The following SELENOF variants were observed in gnomAD, a reference collection of about 807,000 sequenced individuals.
SELENOF encodes 15 kDa selenoprotein.
SELENOF carries 16 observed loss-of-function variants against 20.5 expected under a neutral mutation model. That is an observed-to-expected ratio of 0.78 (90% CI 0.53 to 1.19). The LOEUF is 1.19. SELENOF is among the 50% of genes most tolerant of loss of function. The pLI is 0.00. For synonymous variants in SELENOF, 78 were observed against 74.5 expected, an observed-to-expected ratio of 1.05 and a Z score of -0.24; for missense variants, 215 against 194.2, an observed-to-expected ratio of 1.11 and a Z score of -0.64.
chr1:86,868,070 T>C lies in SELENOF; in HGVS notation c.349A>G (p.Arg117Gly), dbSNP rs1051733320. The C allele has an allele frequency of 2.6e-6, 4 of 1,535,176 alleles. No individual in the cohort carries two copies. The highest frequency in any genetic ancestry group is 3.5e-6 in the Non-Finnish European group (4 of 1,130,850). ...FVRSDKPKLF[R>G]GLQIKYVRGS... ...CACCTTACCTTGATTTGCAGTCCTC[T>C]GAACAGTTTGGGTTTATCACTCCTA... Residue 117 changes from arginine (R) to glycine (G), a missense_variant, in exon 4 of 5, where the codon AGA becomes GGA. By Grantham distance (125) the Arg-to-Gly change is moderately radical. Transcript: ENST00000331835.
At chr1:86,864,409 T>G (rs1658539741) in intron 4 of SELENOF, among the ~76,000 whole-genome samples, 1 of 152,202 alleles carries the variant, frequency 6.6e-6, no homozygotes, top group Non-Finnish European at 1.5e-5. Flanking sequence ...TAACTAACAA[T>G]GTAGTTATGT....
intron 3 of SELENOF, among the ~76,000 whole-genome samples, chr1:86,877,577 A>T (rs1263986388): frequency 1.3e-5 from 2 of 152,204 alleles, no homozygotes; most frequent in Non-Finnish European, 2.9e-5. Context: ...GCCTGAAGGT[A>T]ATTTTATGCA....
At chr1:86,913,650 T>C (rs1660050667) in intron 1 of SELENOF, among the ~76,000 whole-genome samples, 1 of 152,172 alleles carries the variant, frequency 6.6e-6, no homozygotes, top group South Asian at 2.1e-4. Context: ...CTTGAAGACT[T>C]GCCTCTAAGA....
At chr1:86,913,135 T>C (rs1660031888) in intron 1 of SELENOF, among the ~76,000 whole-genome samples, 2 of 152,186 alleles carry the variant, frequency 1.3e-5, no homozygotes, top group South Asian at 4.1e-4. Flanking sequence ...GAAAGGTAAG[T>C]ACAGGTGTTC....
intron 3 of SELENOF, among the ~76,000 whole-genome samples, chr1:86,872,516 GC>G (rs946246998): frequency 3.1e-4 from 47 of 151,186 alleles, no homozygotes; most frequent in African/African-American, 1.1e-3. Flanking sequence ...TTACAGGCAT[GC>G]GCCACAACGC....
At position 86,903,592 on chromosome 1, in the gene SELENOF, T is replaced by G. The variant is rs187390158; in HGVS notation, c.85-144A>C. The G allele has an allele frequency of 1.9e-3, 1,197 of 635,240 alleles. 5 individuals carry two copies. The highest frequency in any genetic ancestry group is 6.3e-3 in the Middle Eastern group (14 of 2,212). 39.4% of individuals were successfully genotyped at this position (635,240 alleles called of 1,614,324 possible). A position where few individuals can be genotyped will look rare whatever the true frequency, so the allele number is the denominator to read the frequency against. On this transcript the variant is annotated intron_variant, in intron 1 of 4. Coordinates refer to ENST00000331835, the MANE Select transcript of SELENOF (RefSeq NM_004261.5). ...CATTTGGAGATAAATTCTTTTAAAT[T>G]TTAATTTAATTTTATTTTTTTTTGA...
intron 3 of SELENOF, among the ~76,000 whole-genome samples, chr1:86,877,736 C>T (rs1046545892): frequency 1.3e-5 from 2 of 152,138 alleles, no homozygotes; most frequent in Non-Finnish European, 2.9e-5. Flanking sequence ...CGGAGGCCCA[C>T]GGGCCAAATC....
chr1:86,874,730 G>C (rs58876029), intron 3 of SELENOF, among the ~76,000 whole-genome samples: 1 of 151,994 alleles, frequency 6.6e-6, no homozygotes, highest in Non-Finnish European at 1.5e-5. Flanking sequence ...TCACAAACAC[G>C]TGAAAATATA....
At chr1:86,901,418 T>C (rs1659703169) in intron 2 of SELENOF, among the ~76,000 whole-genome samples, 1 of 150,464 alleles carries the variant, frequency 6.6e-6, no homozygotes, top group Admixed American at 6.6e-5. Flanking sequence ...GTTTCACTAG[T>C]CTTACTAAAA....
In SELENOF at chr1:86,911,354, C is replaced by T. The variant is rs186783890; in HGVS notation, c.84+2674G>A. Reference sequence around the variant, plus strand: ...TAATGAAAACACCATGCTCAAAGGTCTGGTGAGGGAGAATACAGTATGTGA... The same window carrying T: ...TAATGAAAACACCATGCTCAAAGGTTTGGTGAGGGAGAATACAGTATGTGA... On this transcript the variant is annotated intron_variant, in intron 1 of 4. Coordinates refer to ENST00000331835, the MANE Select transcript of SELENOF (RefSeq NM_004261.5). Among the ~76,000 whole-genome samples the T allele has an allele frequency of 1.8e-3, 274 of 152,320 alleles. 1 individual carries two copies. The highest frequency in any genetic ancestry group is 0.012 in the South Asian group (56 of 4,826).
chr1:86,902,831 AAACT>A (rs10563057), intron 2 of SELENOF, among the ~76,000 whole-genome samples: 3,577 of 152,314 alleles, frequency 0.023, 70 homozygotes, highest in African/African-American at 0.049. Context: ...ATAGGTGTGT[AAACT>A]AACAGTCCAT....
intron 1 of SELENOF, among the ~76,000 whole-genome samples, chr1:86,910,759 A>C (rs1012744399): frequency 2.6e-5 from 4 of 151,690 alleles, no homozygotes; most frequent in African/African-American, 9.7e-5. Flanking sequence ...CTAGAGTTGC[A>C]CAGCTACCAC....
intron 2 of SELENOF, among the ~76,000 whole-genome samples, chr1:86,892,456 T>C (rs942957213): frequency 6.6e-6 from 1 of 152,238 alleles, no homozygotes; most frequent in Non-Finnish European, 1.5e-5. Flanking sequence ...GTGAAGCTAT[T>C]TTAAGCAACT....
chr1:86,900,454 G>C (rs1478340616), intron 2 of SELENOF, among the ~76,000 whole-genome samples: 1 of 152,236 alleles, frequency 6.6e-6, no homozygotes, highest in Non-Finnish European at 1.5e-5. Flanking sequence ...CAGGCGTGGC[G>C]GCACGCGCCT....
intron 3 of SELENOF, among the ~76,000 whole-genome samples, chr1:86,873,820 C>T (rs1310420756): frequency 6.7e-6 from 1 of 149,112 alleles, no homozygotes; most frequent in Admixed American, 6.7e-5. Flanking sequence ...CTGTCGCACT[C>T]CAGCCTGAAC....
At chr1:86,891,884 A>C (rs1047221827) in intron 2 of SELENOF, among the ~76,000 whole-genome samples, 9 of 152,100 alleles carry the variant, frequency 5.9e-5, no homozygotes, top group African/African-American at 2.2e-4. Flanking sequence ...ATAACAACTT[A>C]ATGAATGTTA....
intron 3 of SELENOF, among the ~76,000 whole-genome samples, chr1:86,872,896 G>C (rs1475116555): frequency 6.6e-6 from 1 of 152,002 alleles, no homozygotes; most frequent in Non-Finnish European, 1.5e-5. Flanking sequence ...CAAAAAATTA[G>C]CTGGCGTGGT....
intron 3 of SELENOF, among the ~76,000 whole-genome samples, chr1:86,872,866 C>A (rs1458631692): frequency 1.3e-5 from 2 of 151,970 alleles, no homozygotes; most frequent in African/African-American, 2.4e-5. Context: ...CACGGTGAAA[C>A]CCCGTCTCTA....
At chr1:86,899,242 GCTTT>G (rs1421633705) in intron 2 of SELENOF, among the ~76,000 whole-genome samples, 1 of 150,902 alleles carries the variant, frequency 6.6e-6, no homozygotes, top group Admixed American at 6.6e-5. Context: ...ACCTTTCCCC[GCTTT>G]CTATTCCACA....
Sources: gnomAD v4.1 joint callset for allele counts (sites outside exome capture counted in the v4.1 genomes callset) on GRCh38, gnomAD v4.1.1 for gene constraint, MANE v1.5 for transcripts, NCBI Gene and HGNC (gene_info 2026-07-23, HGNC 2026-07-21) for gene names.